The following DAPK1 variants were observed in gnomAD, a reference collection of about 807,000 sequenced individuals.
DAPK1 encodes death-associated protein kinase 1.
A neutral mutation model predicts 144.9 loss-of-function variants in DAPK1; 56 were observed. The observed-to-expected ratio is 0.39, with a 90% CI of 0.31 to 0.48. The LOEUF (loss-of-function observed/expected upper bound fraction) is 0.48. DAPK1 is among the 20% of genes least tolerant of loss of function. DAPK1 has a pLI of 0.95. For synonymous variants in DAPK1, 690 were observed against 749.0 expected, an observed-to-expected ratio of 0.92 and a Z score of 1.29; for missense variants, 1,454 against 1,875.4, an observed-to-expected ratio of 0.78 and a Z score of 4.15.
intron 3 of DAPK1, among the ~76,000 whole-genome samples, chr9:87,627,173 T>A (rs867518999): frequency 6.6e-6 from 1 of 151,920 alleles, no homozygotes; most frequent in African/African-American, 2.4e-5. Context: ...TGGAGAGGGG[T>A]GTCTGGGTGT....
chr9:87,648,575 A>G, intron 14 of DAPK1: 1 of 536,780 alleles, frequency 1.9e-6, no homozygotes, highest in South Asian at 2.8e-5. Flanking sequence ...TGAGCCAAGT[A>G]TGTGGGCTTA....
At chr9:87,638,111 G>A in intron 4 of DAPK1, 30 bp downstream of exon 4, 1 of 1,585,682 alleles carries the variant, frequency 6.3e-7, no homozygotes, top group Non-Finnish European at 8.6e-7. Context: ...CCAGATAGAA[G>A]CTTGTGCAGA....
intron 2 of DAPK1, among the ~76,000 whole-genome samples, chr9:87,560,118 G>A (rs1371832103): frequency 3.3e-5 from 5 of 151,396 alleles, no homozygotes. Context: ...AGCCTCCCTA[G>A]TAGCTGAGAT....
intron 2 of DAPK1, among the ~76,000 whole-genome samples, chr9:87,559,893 A>G (rs990922984): frequency 1.3e-5 from 2 of 151,126 alleles, no homozygotes; most frequent in African/African-American, 2.4e-5. Context: ...CATGCCCCCT[A>G]TCTTGCCCTT....
At chr9:87,520,475 T>C (rs1268811036) in intron 2 of DAPK1, among the ~76,000 whole-genome samples, 1 of 152,180 alleles carries the variant, frequency 6.6e-6, no homozygotes. Context: ...GTTGCACTTC[T>C]TCCTGTGATA....
chr9:87,678,362 A>G (rs1824480520), intron 19 of DAPK1, among the ~76,000 whole-genome samples: 1 of 152,228 alleles, frequency 6.6e-6, no homozygotes, highest in African/African-American at 2.4e-5. Context: ...GTGCTAGGAC[A>G]CAGGCAGGAG....
intron 1 of DAPK1, chr9:87,498,470 C>T (rs375622797): frequency 7.6e-6 from 2 of 261,782 alleles, no homozygotes; most frequent in African/African-American, 2.2e-5. Flanking sequence ...GCTCTGGGGA[C>T]TGCCTCGCTC....
chr9:87,542,425 G>A (rs2118481333), intron 2 of DAPK1, among the ~76,000 whole-genome samples: 1 of 152,286 alleles, frequency 6.6e-6, no homozygotes, highest in East Asian at 1.9e-4. Flanking sequence ...GTCATGCTGT[G>A]AGCCAGGCAT....
At chr9:87,689,874 T>A (rs1177596999) in intron 21 of DAPK1, among the ~76,000 whole-genome samples, 1 of 152,190 alleles carries the variant, frequency 6.6e-6, no homozygotes, top group Non-Finnish European at 1.5e-5. Flanking sequence ...TGTCTGTTTT[T>A]ATATCAATAC....
At position 87,680,310 on chromosome 9, in the gene DAPK1, T is replaced by C. The variant is rs372954624; in HGVS notation, c.2002-1094T>C. 2.6e-5 allele frequency among the ~76,000 whole-genome samples: 4 copies of C among 152,082 alleles called. No individual in the cohort carries two copies. In the South Asian group the frequency reaches 6.2e-4, roughly 24 times the overall value. On this transcript the variant is annotated intron_variant, in intron 19 of 25. Transcript: ENST00000408954. Reference sequence around the variant, plus strand: ...CGGTAGAGACGGGGTTTCACCATGTTAGCCAGGATGGTCTCCATCTCCTGA... The same window carrying C: ...CGGTAGAGACGGGGTTTCACCATGTCAGCCAGGATGGTCTCCATCTCCTGA...
intron 2 of DAPK1, among the ~76,000 whole-genome samples, chr9:87,541,278 C>T (rs10868620): frequency 0.33 from 50,700 of 151,878 alleles, 8,899 homozygotes; most frequent in Middle Eastern, 0.45. Context: ...CCTGGCATGG[C>T]GGCTCACACC....
intron 15 of DAPK1, 56 bp downstream of exon 15, chr9:87,648,935 G>A: frequency 1.4e-6 from 2 of 1,452,676 alleles, no homozygotes; most frequent in African/African-American, 1.4e-5. Flanking sequence ...TGTACAGGCA[G>A]CCAGATGGTA....
At chr9:87,586,927 G>C (rs902275521) in intron 2 of DAPK1, among the ~76,000 whole-genome samples, 2 of 152,192 alleles carry the variant, frequency 1.3e-5, no homozygotes, top group African/African-American at 4.8e-5. Flanking sequence ...GAGAAACTTG[G>C]AATTCCAAGG....
intron 2 of DAPK1, among the ~76,000 whole-genome samples, chr9:87,538,328 A>G (rs984528692): frequency 2.0e-5 from 3 of 152,172 alleles, no homozygotes; most frequent in Admixed American, 6.5e-5. Context: ...AAAAAAAATC[A>G]CCAAAAATTC....
At chr9:87,548,915 T>C (rs1429833740) in intron 2 of DAPK1, among the ~76,000 whole-genome samples, 1 of 17,338 alleles carries the variant, frequency 5.8e-5, no homozygotes, top group Admixed American at 5.1e-4. Flanking sequence ...TTTCATTCCT[T>C]TTTTTTTTTT....
At chr9:87,527,641 G>A (rs1029681427) in intron 2 of DAPK1, among the ~76,000 whole-genome samples, 1 of 152,200 alleles carries the variant, frequency 6.6e-6, no homozygotes, top group Non-Finnish European at 1.5e-5. Context: ...ACTTAAATAG[G>A]TGTGTGTGCA....
At chr9:87,548,302 G>A (rs561627231) in intron 2 of DAPK1, among the ~76,000 whole-genome samples, 23 of 152,240 alleles carry the variant, frequency 1.5e-4, no homozygotes, top group African/African-American at 5.1e-4. Context: ...GAAGGCCTGC[G>A]TTAGACCCCT....
rs1824858771 is a variant in DAPK1, at chr9:87,686,497, G to A, written c.2225-54G>A. ...AACCTCAGGGCCAGCCTGGGAGGGA[G>A]ACAGGCACACGCTGCCCCCATCGAG... On this transcript the variant is annotated intron_variant, in intron 20 of 25. Coordinates refer to ENST00000408954, the MANE Select transcript of DAPK1 (RefSeq NM_004938.4). This position sits in a 1 kb window ranked among gnomAD's most constrained non-coding sequence, Gnocchi z 4.2. 9 of 1,015,588 alleles carry A rather than the reference G, an allele frequency of 8.9e-6. No homozygotes were observed. Among genetic ancestry groups the A allele is most frequent in the Non-Finnish European group, 1.4e-5 (9 of 665,642 alleles). The allele number at this position is 1,015,588 out of a possible 1,614,324, so 62.9% of individuals were successfully genotyped here. A position where few individuals can be genotyped will look rare whatever the true frequency, so the allele number is the denominator to read the frequency against.
chr9:87,536,052 G>T (rs374739818), intron 2 of DAPK1, among the ~76,000 whole-genome samples: 1 of 152,154 alleles, frequency 6.6e-6, no homozygotes, highest in Non-Finnish European at 1.5e-5. Flanking sequence ...AGTGAAATGG[G>T]GCTTGCCAGC....
Sources: allele counts gnomAD v4.1 joint callset (sites outside exome capture counted in the v4.1 genomes callset), GRCh38; gene constraint gnomAD v4.1.1; non-coding constraint Gnocchi (gnomAD v3.1); transcripts MANE v1.5; gene names NCBI Gene and HGNC (gene_info 2026-07-23, HGNC 2026-07-21).